PRKAG3: variants seen among roughly 807,000 people sequenced by gnomAD.
PRKAG3 encodes the protein 5'-AMP-activated protein kinase subunit gamma-3.
A neutral mutation model predicts 56.5 loss-of-function variants in PRKAG3; 39 were observed. The ratio of observed to expected loss-of-function variants is 0.69; its 90% CI spans 0.53 to 0.90. The LOEUF (loss-of-function observed/expected upper bound fraction) is 0.90. Ranked by LOEUF, PRKAG3 falls within the 40% of genes least tolerant of loss-of-function variation. The pLI, the probability that PRKAG3 is intolerant of heterozygous loss-of-function variation, is 0.00. For synonymous variants in PRKAG3, 243 were observed against 250.1 expected (o/e 0.97, Z 0.27); for missense variants, 628 against 627.5 (o/e 1.00, Z -0.01).
At chr2:218,830,604 T>C (rs933816375) in intron 3 of PRKAG3, 142 bp downstream of exon 3, 9 of 1,185,466 alleles carry the variant, frequency 7.6e-6, no homozygotes, top group African/African-American at 3.1e-5. Context: ...TTCTCTACTA[T>C]GTAGGGAGAC....
chr2:218,824,131 C>A, intron 12 of PRKAG3, 91 bp downstream of exon 12: 1 of 1,596,154 alleles, frequency 6.3e-7, no homozygotes, highest in Non-Finnish European at 8.6e-7. Context: ...GAAGGATAGG[C>A]CAGGTGCCCG....
chr2:218,827,805 C>CA lies in PRKAG3; in HGVS notation c.820+27_820+28insT, dbSNP rs1210104396. On this transcript the variant is annotated intron_variant, in intron 7 of 12. Transcript: ENST00000529249. The surrounding 1 kb of genome is among the most constrained non-coding windows in gnomAD (Gnocchi z 5.3). ...AGCCCTGGCCCACCATCACCAACAG[C>CA]CCTTTCCGGGTTCCTCTCCCCACTC... 6.9e-7 allele frequency: 1 copy of CA among 1,459,412 alleles called. No individual in the cohort carries two copies. The allele number at this position is 1,459,412 out of a possible 1,614,324, so 90.4% of individuals were successfully genotyped here. A position where few individuals can be genotyped will look rare whatever the true frequency, so the allele number is the denominator to read the frequency against.
At chr2:218,828,083 G>A (rs1413610792) in intron 5 of PRKAG3, 21 bp from the exon 6 acceptor site, 1 of 1,552,568 alleles carries the variant, frequency 6.4e-7, no homozygotes. Flanking sequence ...GGGCGGGGAG[G>A]AGGTCAGCCC....
intron 10 of PRKAG3, among the ~76,000 whole-genome samples, chr2:218,825,789 G>C (rs1177302055): frequency 7.0e-6 from 1 of 141,916 alleles, no homozygotes; most frequent in Non-Finnish European, 1.5e-5. Context: ...TTGGAGTCTC[G>C]CTCTGTTGCC....
In PRKAG3 at chr2:218,827,002, G is replaced by A; in HGVS notation, c.1094C>T (p.Thr365Ile). 6.2e-7 allele frequency: 1 copy of A among 1,614,174 alleles called. No individual in the cohort carries two copies. The highest frequency in any genetic ancestry group is 8.5e-7 in the Non-Finnish European group (1 of 1,180,046). ...GTCCAGTGCAGTCAGGATGGGTGCT[G>A]TCTCCAGCACCACAGCCAAGTCTCG... The change falls in exon 10 of 13, where the codon ACA becomes ATA. Residue 365 changes from threonine to isoleucine, a missense_variant. Physicochemically the swap from Thr to Ile is moderately conservative, Grantham distance 89 (BLOSUM62 -1). Coordinates refer to ENST00000529249, the Ensembl canonical transcript of PRKAG3. The surrounding 1 kb of genome is among the most constrained non-coding windows in gnomAD (Gnocchi z 5.3).
At chr2:218,831,659 C>T (rs1559399766) in intron 1 of PRKAG3, 79 bp downstream of exon 1, 4 of 1,530,912 alleles carry the variant, frequency 2.6e-6, no homozygotes, top group Non-Finnish European at 3.6e-6. Flanking sequence ...CACACACGCC[C>T]ACACACACAT....
chr2:218,824,602 G>A (rs1483838206), intron 10 of PRKAG3, 26 bp from the exon 11 acceptor site: 4 of 1,595,544 alleles, frequency 2.5e-6, no homozygotes, highest in Middle Eastern at 1.7e-4. Flanking sequence ...GTGGGGGGTG[G>A]GGGGAGAAAG....
chr2:218,830,931 A>T (rs1191780346), intron 2 of PRKAG3, 30 bp from the exon 3 acceptor site: 1 of 1,605,240 alleles, frequency 6.2e-7, no homozygotes. Flanking sequence ...TGTTTGGTTA[A>T]TAGGGAGTAA....
At position 218,826,828 on chromosome 2, in the gene PRKAG3, C is replaced by A. The variant is rs956193804; in HGVS notation, c.1168+100G>T. On this transcript the variant is annotated intron_variant, in intron 10 of 12. Transcript: ENST00000529249. ...AATCCCCAGTCCATCCTGTACCCCC[C>A]ACAGGGATGGCATGAGAAACCCTGC... is the stretch of plus-strand genomic sequence containing the variant. The A allele has an allele frequency of 3.4e-6, 5 of 1,492,530 alleles. No homozygotes were observed. The East Asian group carries it at 6.9e-5, about 20-fold the overall frequency. 92.5% of individuals were successfully genotyped at this position (1,492,530 alleles called of 1,614,324 possible).
chr2:218,828,554 G>A (rs930971833), exon 5 of PRKAG3: 1 of 1,613,716 alleles, frequency 6.2e-7, no homozygotes, highest in Non-Finnish European at 8.5e-7. Context: ...CCATAGAGGG[G>A]CTGCCCGCAC....
At chr2:218,831,715 C>T (rs200650338) in intron 1 of PRKAG3, 23 bp downstream of exon 1, 40 of 1,607,596 alleles carry the variant, frequency 2.5e-5, no homozygotes, top group African/African-American at 1.1e-4. Flanking sequence ...GCCCCGGCTC[C>T]GGCTCCCCTG....
At chr2:218,825,141 C>T (rs923202626) in intron 10 of PRKAG3, among the ~76,000 whole-genome samples, 12 of 151,974 alleles carry the variant, frequency 7.9e-5, no homozygotes, top group African/African-American at 2.9e-4. Context: ...TCAAAACCAG[C>T]CTGGCCAACA....
rs199795628 is a variant in PRKAG3, at chr2:218,828,023, C to T, written c.755G>A (p.Arg252His). 8.1e-5 allele frequency: 127 copies of T among 1,569,350 alleles called. No individual in the cohort carries two copies. Among genetic ancestry groups the T allele is most frequent in the Admixed American group, 1.5e-4 (8 of 52,926 alleles). The change falls in exon 6 of 13, where the codon CGC (arginine) becomes CAC (histidine). Residue 252 changes from arginine to histidine, a missense_variant. Coordinates refer to ENST00000529249, the Ensembl canonical transcript of PRKAG3. ...CCTCACCAGGGGGGACCTGTAGTAG[C>T]GATGCAGCACCAGGATGAAGTCAGT...
chr2:218,831,727 GA>G lies in PRKAG3; in HGVS notation c.33+10del, dbSNP rs1390129024. 1.2e-6 allele frequency: 2 copies of G among 1,610,222 alleles called. No individual in the cohort carries two copies. Among genetic ancestry groups the G allele is most frequent in the African/African-American group, 2.7e-5 (2 of 75,010 alleles). On this transcript the variant is annotated intron_variant, in intron 1 of 12. Coordinates refer to ENST00000529249, the Ensembl canonical transcript of PRKAG3. The stretch of plus-strand genomic sequence containing the variant: ...GCTGCCCCGGCTCCGGCTCCCCTGG[GA>G]CCCCCATACCCTGCGCAGTGCGTGC...
chr2:218,824,462 CT>C lies in PRKAG3; in HGVS notation c.1206+76del. On this transcript the variant is annotated intron_variant, in intron 11 of 12. Transcript: ENST00000529249. ...CCCCTGCATACTTGTCAAGGTCCCC[CT>C]GGTCCACAGAGGCCCCCCACCCATC... The C allele has an allele frequency of 4.3e-6, 7 of 1,609,916 alleles. No homozygotes were observed. In the South Asian group the frequency reaches 7.7e-5, roughly 18 times the overall value.
chr2:218,830,249 C>T, exon 4 of PRKAG3: 1 of 1,614,012 alleles, frequency 6.2e-7, no homozygotes. Context: ...TGAGGCTGTA[C>T]AGTCAGAGGG....
exon 4 of PRKAG3, chr2:218,830,158 G>A: frequency 3.7e-6 from 6 of 1,614,128 alleles, no homozygotes; most frequent in South Asian, 2.2e-5. Flanking sequence ...CTTCCAGCAG[G>A]CCTTCTAGCT....
exon 13 of PRKAG3, chr2:218,823,502 G>A (rs1943883921): frequency 3.7e-6 from 2 of 541,040 alleles, no homozygotes; most frequent in Non-Finnish European, 6.3e-6. Context: ...ACAAAGTGGG[G>A]ACCTGTGAGT....
intron 10 of PRKAG3, among the ~76,000 whole-genome samples, chr2:218,825,364 C>T (rs1456790444): frequency 2.7e-5 from 4 of 150,542 alleles, no homozygotes; most frequent in East Asian, 1.9e-4. Context: ...AATTCTTGGC[C>T]GGTCGCGGTG....
Sources: allele counts gnomAD v4.1 joint callset (sites outside exome capture counted in the v4.1 genomes callset), GRCh38; gene constraint gnomAD v4.1.1; non-coding constraint Gnocchi (gnomAD v3.1); transcripts MANE v1.5; gene names NCBI Gene and HGNC (gene_info 2026-07-23, HGNC 2026-07-21).